SLC4A4: variants seen among roughly 807,000 people sequenced by gnomAD.
The protein encoded by SLC4A4 is electrogenic sodium bicarbonate cotransporter 1.
A neutral mutation model predicts 111.5 loss-of-function variants in SLC4A4; 27 were observed. That is an observed-to-expected ratio of 0.24 (90% CI 0.18 to 0.33). The LOEUF (loss-of-function observed/expected upper bound fraction) is 0.33. Among genes scored for constraint, SLC4A4 ranks in the 10% least tolerant of loss-of-function variants. The pLI is 1.00. For missense variants in SLC4A4, 909 were observed against 1,315.5 expected (o/e 0.69, Z 4.78); for synonymous variants, 443 against 463.4 (o/e 0.96, Z 0.57).
chr4:71,509,596 T>C (rs1731727374), intron 16 of SLC4A4, among the ~76,000 whole-genome samples: 1 of 152,148 alleles, frequency 6.6e-6, no homozygotes, highest in South Asian at 2.1e-4. Context: ...TTTGCTAGGC[T>C]CTTTAGAATG....
At chr4:71,517,425 T>A (rs1292576067) in intron 16 of SLC4A4, among the ~76,000 whole-genome samples, 5 of 152,094 alleles carry the variant, frequency 3.3e-5, no homozygotes, top group Admixed American at 6.5e-5. Context: ...GGCTCCAGAA[T>A]TTCTATTTGT....
intron 5 of SLC4A4, 52 bp downstream of exon 5, chr4:71,350,124 C>T: frequency 6.3e-7 from 1 of 1,577,212 alleles, no homozygotes; most frequent in Non-Finnish European, 8.7e-7. Flanking sequence ...TCCCTAGCCA[C>T]ATGTCTCCAT....
intron 16 of SLC4A4, among the ~76,000 whole-genome samples, chr4:71,529,926 G>A (rs1396630423): frequency 6.6e-6 from 1 of 152,090 alleles, no homozygotes. Flanking sequence ...GTCTAGAGGG[G>A]TGTTTGTAAC....
chr4:71,178,908 G>A (rs910331108), intron 2 of SLC4A4, among the ~76,000 whole-genome samples: 4 of 152,116 alleles, frequency 2.6e-5, no homozygotes, highest in African/African-American at 9.7e-5. Flanking sequence ...CAAAAAAAGA[G>A]AATTTTAGAC....
intron 13 of SLC4A4, among the ~76,000 whole-genome samples, chr4:71,468,336 A>T (rs149282809): frequency 1.3e-5 from 2 of 152,104 alleles, no homozygotes; most frequent in African/African-American, 4.8e-5. Flanking sequence ...AACTTTGCAG[A>T]AAGATTTATT....
intron 2 of SLC4A4, among the ~76,000 whole-genome samples, chr4:71,145,589 A>T (rs1171778143): frequency 1.3e-5 from 2 of 150,626 alleles, no homozygotes; most frequent in Non-Finnish European, 3.0e-5. Context: ...GATTTTTTTT[A>T]GTTGGTGAGC....
intron 1 of SLC4A4, among the ~76,000 whole-genome samples, chr4:71,220,917 T>C (rs886932254): frequency 6.6e-6 from 1 of 152,264 alleles, no homozygotes; most frequent in Non-Finnish European, 1.5e-5. Flanking sequence ...TCCTTCTTTG[T>C]GTTCATAAGT....
chr4:71,445,827 A>G (rs1282604728), intron 8 of SLC4A4, among the ~76,000 whole-genome samples: 1 of 152,256 alleles, frequency 6.6e-6, no homozygotes, highest in Non-Finnish European at 1.5e-5. Context: ...TACACTTTAC[A>G]GTCCTAAAGA....
intron 7 of SLC4A4, among the ~76,000 whole-genome samples, chr4:71,413,499 CT>C (rs1415072107): frequency 5.3e-5 from 8 of 152,164 alleles, no homozygotes; most frequent in Admixed American, 1.3e-4. Context: ...GCTATGTCTA[CT>C]TGTTAGTTTT....
At chr4:71,134,840 G>A (rs1743801908) in intron 2 of SLC4A4, among the ~76,000 whole-genome samples, 1 of 152,182 alleles carries the variant, frequency 6.6e-6, no homozygotes, top group African/African-American at 2.4e-5. Context: ...GTAGTGTCTG[G>A]AGAGCTCAGT....
At chr4:71,206,598 T>G (rs1330929002) in intron 1 of SLC4A4, among the ~76,000 whole-genome samples, 3 of 152,158 alleles carry the variant, frequency 2.0e-5, no homozygotes, top group Non-Finnish European at 1.5e-5. Context: ...AACTGTTTAG[T>G]TCTGAGTATA....
At chr4:71,221,837 G>A (rs954522135) in intron 1 of SLC4A4, among the ~76,000 whole-genome samples, 2 of 152,244 alleles carry the variant, frequency 1.3e-5, no homozygotes, top group Non-Finnish European at 2.9e-5. Context: ...CTGAACCCTC[G>A]GGATGAAGTC....
intron 7 of SLC4A4, among the ~76,000 whole-genome samples, chr4:71,420,067 C>T (rs1722277577): frequency 6.6e-6 from 1 of 152,122 alleles, no homozygotes; most frequent in South Asian, 2.1e-4. Flanking sequence ...AAACCAAAGG[C>T]AAAGAAGTTA....
intron 24 of SLC4A4, 114 bp from the exon 25 acceptor site, chr4:71,566,890 C>T (rs1737518690): frequency 2.6e-6 from 2 of 757,616 alleles, no homozygotes; most frequent in Non-Finnish European, 2.2e-6. Flanking sequence ...AATGCCTAAA[C>T]TTGTCTTTTT....
intron 7 of SLC4A4, among the ~76,000 whole-genome samples, chr4:71,399,208 C>T (rs576832122): frequency 3.9e-5 from 6 of 152,006 alleles, no homozygotes; most frequent in Non-Finnish European, 8.8e-5. Flanking sequence ...GGAATCAATC[C>T]CCAACATATA....
chr4:71,143,438 A>G (rs1744067813), intron 2 of SLC4A4, among the ~76,000 whole-genome samples: 1 of 152,140 alleles, frequency 6.6e-6, no homozygotes, highest in South Asian at 2.1e-4. Flanking sequence ...TAGCAGCATG[A>G]TTTATAATCC....
chr4:71,176,393 G>A (rs989036800), intron 2 of SLC4A4, among the ~76,000 whole-genome samples: 3 of 152,178 alleles, frequency 2.0e-5, no homozygotes, highest in African/African-American at 4.8e-5. Flanking sequence ...GCTAAAGGAG[G>A]AAGTTCGAAC....
At chr4:71,360,470 CT>C in intron 6 of SLC4A4, among the ~76,000 whole-genome samples, 1 of 152,116 alleles carries the variant, frequency 6.6e-6, no homozygotes. Context: ...AATTGAAGAA[CT>C]TTTTTTCAGT....
chr4:71,088,881 G>T (rs549594269), intron 1 of SLC4A4, among the ~76,000 whole-genome samples: 144 of 151,994 alleles, frequency 9.5e-4, no homozygotes, highest in Admixed American at 1.9e-3. Context: ...CAATTATGTG[G>T]CTTGGAGTTG....
Sources: gnomAD v4.1 joint callset for allele counts (sites outside exome capture counted in the v4.1 genomes callset) on GRCh38, gnomAD v4.1.1 for gene constraint, MANE v1.5 for transcripts, NCBI Gene and HGNC (gene_info 2026-07-23, HGNC 2026-07-21) for gene names.